RBFOX1: variants seen among roughly 807,000 people sequenced by gnomAD.
The protein encoded by RBFOX1 is RNA binding protein fox-1 homolog 1.
A neutral mutation model predicts 57.7 loss-of-function variants in RBFOX1; 8 were observed. The ratio of observed to expected loss-of-function variants is 0.14; its 90% CI spans 0.08 to 0.25. RBFOX1 has a LOEUF of 0.25. Among genes scored for constraint, RBFOX1 ranks in the 10% least tolerant of loss-of-function variants. RBFOX1 has a pLI of 1.00. For missense variants in RBFOX1, 611 were observed against 548.5 expected (o/e 1.11, Z -1.14); for synonymous variants, 326 against 222.4 (o/e 1.47, Z -4.15).
At chr16:7,624,810 A>T (rs955615698) in intron 10 of RBFOX1, among the ~76,000 whole-genome samples, 1 of 152,188 alleles carries the variant, frequency 6.6e-6, no homozygotes, top group Non-Finnish European at 1.5e-5. Context: ...ACCACCACAC[A>T]GTAGAGGTTT....
At chr16:6,747,746 A>G (rs1236115255) in intron 3 of RBFOX1, among the ~76,000 whole-genome samples, 2 of 152,156 alleles carry the variant, frequency 1.3e-5, no homozygotes. Flanking sequence ...ATGGACAGCA[A>G]CTTGTGCAAA....
At chr16:7,539,877 A>G (rs1052491093) in intron 5 of RBFOX1, among the ~76,000 whole-genome samples, 26 of 152,194 alleles carry the variant, frequency 1.7e-4, no homozygotes, top group African/African-American at 6.3e-4. Flanking sequence ...CTCCGTCCCC[A>G]TACTGGCTTA....
At chr16:7,578,726 A>G (rs958565482) in intron 5 of RBFOX1, among the ~76,000 whole-genome samples, 2 of 152,184 alleles carry the variant, frequency 1.3e-5, no homozygotes, top group African/African-American at 4.8e-5. Flanking sequence ...CAAAGTTGGT[A>G]TCTGATGTGG....
At chr16:7,621,947 A>G (rs889251262) in intron 10 of RBFOX1, among the ~76,000 whole-genome samples, 1 of 152,224 alleles carries the variant, frequency 6.6e-6, no homozygotes, top group Non-Finnish European at 1.5e-5. Context: ...CTGTCTTCCA[A>G]TGAAACTTTA....
chr16:7,076,826 T>C (rs2058384532), intron 4 of RBFOX1, among the ~76,000 whole-genome samples: 1 of 152,206 alleles, frequency 6.6e-6, no homozygotes, highest in South Asian at 2.1e-4. Flanking sequence ...CTGTGAGCCC[T>C]GGGGATAATG....
chr16:7,327,001 C>G (rs184862032), intron 4 of RBFOX1, among the ~76,000 whole-genome samples: 187 of 152,290 alleles, frequency 1.2e-3, no homozygotes, highest in Non-Finnish European at 2.0e-3. Context: ...CTTATTTGAG[C>G]CAATCTGCCT....
chr16:6,168,030 G>A lies in RBFOX1; in HGVS notation c.-127+148038G>A, dbSNP rs527631495. 2.0e-5 allele frequency among the ~76,000 whole-genome samples: 3 copies of A among 152,284 alleles called. No homozygotes were observed. In the South Asian group the frequency reaches 6.2e-4, roughly 32 times the overall value. ...TAGAGCTTGGCTTGGCTTTATTTGG[G>A]ATGGAGACTGACAGTTTTGTCTGTG... On this transcript the variant is annotated intron_variant, in intron 1 of 15. Coordinates refer to ENST00000550418, the MANE Select transcript of RBFOX1 (RefSeq NM_018723.4).
intron 5 of RBFOX1, among the ~76,000 whole-genome samples, chr16:7,543,846 G>A (rs1334891130): frequency 3.3e-5 from 5 of 151,948 alleles, no homozygotes; most frequent in African/African-American, 4.8e-5. Context: ...TCACTCTCCC[G>A]AGTAGCTGGG....
intron 3 of RBFOX1, among the ~76,000 whole-genome samples, chr16:6,939,068 T>G (rs2077872148): frequency 6.6e-6 from 1 of 152,182 alleles, no homozygotes; most frequent in Non-Finnish European, 1.5e-5. Context: ...ACCATGGGGT[T>G]TGTTCTTTTC....
chr16:6,345,743 C>T (rs891333672), intron 2 of RBFOX1, among the ~76,000 whole-genome samples: 5 of 152,178 alleles, frequency 3.3e-5, no homozygotes, highest in Admixed American at 1.3e-4. Context: ...TAAGACTGGT[C>T]TCAGTTAATT....
chr16:7,232,574 G>A (rs2093561692), intron 4 of RBFOX1, among the ~76,000 whole-genome samples: 1 of 152,110 alleles, frequency 6.6e-6, no homozygotes, highest in Non-Finnish European at 1.5e-5. Flanking sequence ...GGCATAAGCG[G>A]CTCATGCCTG....
chr16:6,324,551 A>G (rs1378156010), intron 2 of RBFOX1, among the ~76,000 whole-genome samples: 1 of 152,130 alleles, frequency 6.6e-6, no homozygotes, highest in Non-Finnish European at 1.5e-5. Flanking sequence ...AGGAGGCACC[A>G]TGCACTTTAA....
intron 3 of RBFOX1, among the ~76,000 whole-genome samples, chr16:6,915,945 C>T (rs775206702): frequency 2.6e-5 from 4 of 152,138 alleles, no homozygotes; most frequent in Non-Finnish European, 4.4e-5. Context: ...GCTGAAGTTG[C>T]TGAGAAACCA....
chr16:6,692,662 C>T (rs183649713), intron 3 of RBFOX1, among the ~76,000 whole-genome samples: 2 of 152,108 alleles, frequency 1.3e-5, no homozygotes, highest in African/African-American at 4.8e-5. Flanking sequence ...GTTTCTTCCA[C>T]CTGAATGTGT....
At chr16:5,422,489 G>T (rs1372146317) in intron 1 of RBFOX1, among the ~76,000 whole-genome samples, 1 of 115,826 alleles carries the variant, frequency 8.6e-6, no homozygotes, top group Non-Finnish European at 1.8e-5. Context: ...AGGAGGGAGC[G>T]GGAGGAGGTG....
intron 1 of RBFOX1, among the ~76,000 whole-genome samples, chr16:5,301,208 C>T (rs572079671): frequency 3.3e-5 from 5 of 152,246 alleles, no homozygotes; most frequent in South Asian, 4.2e-4. Flanking sequence ...TAATGGAAGC[C>T]AGCTACCACC....
chr16:7,106,817 G>A (rs957067398), intron 4 of RBFOX1, among the ~76,000 whole-genome samples: 2 of 151,920 alleles, frequency 1.3e-5, no homozygotes, highest in African/African-American at 4.8e-5. Context: ...CTGCTGGACA[G>A]CATTAAACAG....
At chr16:7,464,920 A>G (rs1182967819) in intron 4 of RBFOX1, among the ~76,000 whole-genome samples, 3 of 151,334 alleles carry the variant, frequency 2.0e-5, no homozygotes, top group Admixed American at 1.3e-4. Flanking sequence ...GATGGTCTCC[A>G]TTTCTTGACC....
chr16:7,448,579 C>T (rs1021102582), intron 4 of RBFOX1, among the ~76,000 whole-genome samples: 1 of 152,178 alleles, frequency 6.6e-6, no homozygotes, highest in African/African-American at 2.4e-5. Context: ...GGGTCCCTCC[C>T]ATGACACATG....
Sources: gnomAD v4.1 joint callset for allele counts (sites outside exome capture counted in the v4.1 genomes callset) on GRCh38, gnomAD v4.1.1 for gene constraint, MANE v1.5 for transcripts, NCBI Gene and HGNC (gene_info 2026-07-23, HGNC 2026-07-21) for gene names.